RSRC1: variants seen among roughly 807,000 people sequenced by gnomAD.
RSRC1 encodes the protein arginine and serine rich coiled-coil 1.
In RSRC1, 39 loss-of-function variants were observed where a neutral mutation model predicts 49.1. The observed-to-expected ratio is 0.79, with a 90% CI of 0.61 to 1.04. The LOEUF is 1.04. RSRC1 is among the 50% of genes least tolerant of loss of function. The pLI is 0.00. For missense variants in RSRC1, 388 were observed against 402.4 expected (o/e 0.96, Z 0.31); for synonymous variants, 143 against 130.8 (o/e 1.09, Z -0.63).
intron 6 of RSRC1, among the ~76,000 whole-genome samples, chr3:158,378,355 A>T (rs769564404): frequency 2.6e-5 from 4 of 151,854 alleles, no homozygotes; most frequent in Non-Finnish European, 5.9e-5. Flanking sequence ...GTTGCTGTTG[A>T]TTTTCTTTTC....
At chr3:158,472,554 T>C (rs1014126133) in intron 7 of RSRC1, among the ~76,000 whole-genome samples, 5 of 152,186 alleles carry the variant, frequency 3.3e-5, no homozygotes, top group African/African-American at 1.2e-4. Flanking sequence ...AAAACACTGC[T>C]CTGAAGTAGT....
intron 3 of RSRC1, among the ~76,000 whole-genome samples, chr3:158,195,631 G>A (rs1227000633): frequency 6.6e-6 from 1 of 152,100 alleles, no homozygotes; most frequent in Non-Finnish European, 1.5e-5. Context: ...ATGGTTTTAG[G>A]TCTAAGATTT....
chr3:158,344,790 A>G (rs985177409), intron 5 of RSRC1, among the ~76,000 whole-genome samples: 1 of 152,230 alleles, frequency 6.6e-6, no homozygotes, highest in Non-Finnish European at 1.5e-5. Flanking sequence ...ATATGACAAC[A>G]ATGACATTAA....
chr3:158,297,695 G>C (rs1578304682), intron 4 of RSRC1, among the ~76,000 whole-genome samples: 2 of 151,324 alleles, frequency 1.3e-5, no homozygotes, highest in Admixed American at 6.6e-5. Context: ...CATAATAAAT[G>C]TTGGAAATAA....
intron 6 of RSRC1, among the ~76,000 whole-genome samples, chr3:158,382,286 C>G (rs1354657441): frequency 6.6e-6 from 1 of 152,054 alleles, no homozygotes; most frequent in African/African-American, 2.4e-5. Context: ...GAGGACCTGC[C>G]TGAGGCTGTT....
chr3:158,422,528 A>G (rs1158259519), intron 6 of RSRC1, among the ~76,000 whole-genome samples: 8 of 151,310 alleles, frequency 5.3e-5, no homozygotes, highest in Non-Finnish European at 8.9e-5. Context: ...TAATGCTGCA[A>G]TAAACATACG....
chr3:158,152,394 G>A (rs1578139585), intron 3 of RSRC1, among the ~76,000 whole-genome samples: 2 of 152,170 alleles, frequency 1.3e-5, no homozygotes, highest in Admixed American at 1.3e-4. Flanking sequence ...AGTCATTCCA[G>A]TAGTATCACT....
At chr3:158,149,116 T>C (rs1717352444) in intron 3 of RSRC1, among the ~76,000 whole-genome samples, 1 of 152,180 alleles carries the variant, frequency 6.6e-6, no homozygotes, top group Non-Finnish European at 1.5e-5. Flanking sequence ...TTGCTGTACT[T>C]TCGGTTTACT....
chr3:158,364,636 T>G (rs1731655930), intron 6 of RSRC1, among the ~76,000 whole-genome samples: 1 of 151,992 alleles, frequency 6.6e-6, no homozygotes, highest in Non-Finnish European at 1.5e-5. Context: ...GAGCAGTACC[T>G]GATACATAGT....
intron 3 of RSRC1, among the ~76,000 whole-genome samples, chr3:158,146,283 A>T (rs1323651837): frequency 6.6e-6 from 1 of 152,066 alleles, no homozygotes; most frequent in Admixed American, 6.5e-5. Context: ...AATAGCTCTT[A>T]TTATTTTGAG....
intron 5 of RSRC1, among the ~76,000 whole-genome samples, chr3:158,336,940 CA>C (rs1457613141): frequency 6.6e-6 from 1 of 152,196 alleles, no homozygotes; most frequent in Non-Finnish European, 1.5e-5. Context: ...AGGATGCTTA[CA>C]GACTTGTTAG....
chr3:158,354,212 A>G (rs1337637726), intron 5 of RSRC1, among the ~76,000 whole-genome samples: 1 of 151,938 alleles, frequency 6.6e-6, no homozygotes, highest in Non-Finnish European at 1.5e-5. Context: ...GATGGTCTCG[A>G]TCTCTTGACC....
rs986425781 is a variant in RSRC1 at position 158,205,731 on chromosome 3, G to C, written c.494+2486G>C. 2.9e-4 allele frequency among the ~76,000 whole-genome samples: 44 copies of C among 152,160 alleles called. 1 individual carries two copies. The highest frequency in any genetic ancestry group is 1.0e-3 in the African/African-American group (42 of 41,526). On this transcript the variant is annotated intron_variant, in intron 4 of 9. Coordinates refer to ENST00000611884, the MANE Select transcript of RSRC1 (RefSeq NM_001271838.2). ...ACTTTTGTAAAGGGCTAGATTAGGGGTATCCAATCTTCTGGCTTCCCTGGG... is the reference window on the plus strand; with the variant it reads ...ACTTTTGTAAAGGGCTAGATTAGGGCTATCCAATCTTCTGGCTTCCCTGGG...
intron 3 of RSRC1, among the ~76,000 whole-genome samples, chr3:158,141,076 T>A (rs1283803885): frequency 2.0e-5 from 3 of 152,212 alleles, no homozygotes; most frequent in Non-Finnish European, 2.9e-5. Context: ...TTAATAGGTA[T>A]GGATGTTTTT....
intron 3 of RSRC1, among the ~76,000 whole-genome samples, chr3:158,170,535 C>T (rs1346181311): frequency 1.3e-5 from 2 of 152,136 alleles, no homozygotes; most frequent in Non-Finnish European, 2.9e-5. Flanking sequence ...AACTACTTTA[C>T]AGTTTGGAAA....
intron 7 of RSRC1, among the ~76,000 whole-genome samples, chr3:158,486,143 T>C (rs2108441753): frequency 6.6e-6 from 1 of 152,252 alleles, no homozygotes; most frequent in Middle Eastern, 3.4e-3. Context: ...GCAAATATAT[T>C]GTATTACTCT....
At chr3:158,282,191 G>A (rs1008872225) in intron 4 of RSRC1, among the ~76,000 whole-genome samples, 1 of 152,180 alleles carries the variant, frequency 6.6e-6, no homozygotes, top group African/African-American at 2.4e-5. Context: ...ATACATAGAA[G>A]CCACATAAAA....
chr3:158,209,209 G>A (rs1376487723), intron 4 of RSRC1, among the ~76,000 whole-genome samples: 1 of 152,172 alleles, frequency 6.6e-6, no homozygotes, highest in African/African-American at 2.4e-5. Context: ...GTGTTGGGAG[G>A]TGGGACCTTT....
chr3:158,232,373 T>C (rs1723014988), intron 4 of RSRC1, among the ~76,000 whole-genome samples: 1 of 152,148 alleles, frequency 6.6e-6, no homozygotes, highest in East Asian at 1.9e-4. Context: ...GACAATTCTT[T>C]TTTCTTATCA....
Sources: gnomAD v4.1 joint callset for allele counts (sites outside exome capture counted in the v4.1 genomes callset) on GRCh38, gnomAD v4.1.1 for gene constraint, MANE v1.5 for transcripts, NCBI Gene and HGNC (gene_info 2026-07-23, HGNC 2026-07-21) for gene names.